Variants in SNX13 observed in about 807,000 individuals in gnomAD.
SNX13 encodes the protein sorting nexin 13.
A neutral mutation model predicts 133.6 loss-of-function variants in SNX13; 45 were observed. That is an observed-to-expected ratio of 0.34 (90% CI 0.27 to 0.43). SNX13 has a LOEUF of 0.43. Among genes scored for constraint, SNX13 ranks in the 20% least tolerant of loss-of-function variants. The pLI is 1.00. For synonymous variants in SNX13, 414 were observed against 373.9 expected, an observed-to-expected ratio of 1.11 and a Z score of -1.24; for missense variants, 1,032 against 1,145.1, an observed-to-expected ratio of 0.90 and a Z score of 1.43.
chr7:17,931,450 C>T (rs953902446), intron 1 of SNX13, among the ~76,000 whole-genome samples: 4 of 152,296 alleles, frequency 2.6e-5, no homozygotes, highest in Non-Finnish European at 1.5e-5. Context: ...AATTTCCAAA[C>T]TTCACAGGAC....
chr7:17,912,232 C>T (rs2714867), intron 1 of SNX13, among the ~76,000 whole-genome samples: 66,979 of 151,814 alleles, frequency 0.44, 15,190 homozygotes, highest in South Asian at 0.66. Context: ...ATGAAAGGGA[C>T]AGTCAGTATC....
intron 1 of SNX13, among the ~76,000 whole-genome samples, chr7:17,922,873 G>A (rs1471857933): frequency 6.6e-6 from 1 of 152,150 alleles, no homozygotes; most frequent in Non-Finnish European, 1.5e-5. Flanking sequence ...TCAGAAAAAG[G>A]TATGAAAGTA....
chr7:17,831,479 TAGTA>T (rs1788480979), intron 15 of SNX13: 1 of 975,576 alleles, frequency 1.0e-6, no homozygotes, highest in African/African-American at 1.8e-5. Context: ...AGAGGAGAGA[TAGTA>T]AGCACAAGCA....
intron 20 of SNX13, among the ~76,000 whole-genome samples, chr7:17,805,211 T>TG (rs756302031): frequency 1.2e-3 from 142 of 118,524 alleles, no homozygotes; most frequent in African/African-American, 4.5e-3. Flanking sequence ...TAATGATTCT[T>TG]TGTGTGTGTG....
At chr7:17,914,350 T>C (rs1209239090) in intron 1 of SNX13, among the ~76,000 whole-genome samples, 1 of 152,182 alleles carries the variant, frequency 6.6e-6, no homozygotes, top group Non-Finnish European at 1.5e-5. Context: ...AATCTGTCTA[T>C]AGAGATCAAC....
At chr7:17,870,714 C>T (rs986767828) in intron 8 of SNX13, among the ~76,000 whole-genome samples, 2 of 152,104 alleles carry the variant, frequency 1.3e-5, no homozygotes, top group Admixed American at 6.5e-5. Flanking sequence ...CCAAGTATCA[C>T]GTTAAGCACT....
chr7:17,889,876 G>C (rs1796439392), intron 5 of SNX13: 1 of 152,174 alleles, frequency 6.6e-6, no homozygotes, highest in South Asian at 2.1e-4. Context: ...ATATAAACTT[G>C]AATATTTTCC....
chr7:17,814,952 G>GAAAA lies in SNX13; in HGVS notation c.1954-12_1954-9dup, dbSNP rs34649849. 8.2e-4 allele frequency: 1,003 copies of GAAAA among 1,220,192 alleles called. 1 individual carries two copies. The highest frequency in any genetic ancestry group is 3.3e-3 in the South Asian group (147 of 44,856). The allele number at this position is 1,220,192 out of a possible 1,614,324, so 75.6% of individuals were successfully genotyped here. The stretch of plus-strand genomic sequence containing the variant: ...TTCAGGAGCTAACAGTAACTAACAA[G>GAAAA]AAAAAAAAAAAAAAGAAGAGATTAT... On this transcript the variant is annotated splice_polypyrimidine_tract_variant and intron_variant, in intron 19 of 25. Coordinates refer to ENST00000428135, the MANE Select transcript of SNX13 (RefSeq NM_015132.5).
chr7:17,924,726 CAGCA>C (rs1463715650), intron 1 of SNX13, among the ~76,000 whole-genome samples: 1 of 152,086 alleles, frequency 6.6e-6, no homozygotes, highest in Non-Finnish European at 1.5e-5. Context: ...CCCATATGTC[CAGCA>C]ACTGATGAAA....
intron 9 of SNX13, among the ~76,000 whole-genome samples, chr7:17,854,337 G>C (rs1791622149): frequency 6.6e-6 from 1 of 152,190 alleles, no homozygotes; most frequent in African/African-American, 2.4e-5. Context: ...CTAATTCCTA[G>C]AGCAACCACT....
intron 2 of SNX13, among the ~76,000 whole-genome samples, chr7:17,896,307 TAC>T (rs1797202412): frequency 6.6e-6 from 1 of 152,140 alleles, no homozygotes; most frequent in Non-Finnish European, 1.5e-5. Flanking sequence ...TAACATAAAA[TAC>T]AGTTTTATGG....
At chr7:17,933,319 G>A (rs184341056) in intron 1 of SNX13, among the ~76,000 whole-genome samples, 82 of 152,206 alleles carry the variant, frequency 5.4e-4, no homozygotes, top group Admixed American at 2.2e-3. Flanking sequence ...CGAGGCGGGC[G>A]GAACATGACG....
intron 1 of SNX13, among the ~76,000 whole-genome samples, chr7:17,917,737 G>A (rs1157085487): frequency 2.0e-5 from 3 of 151,878 alleles, no homozygotes; most frequent in African/African-American, 7.3e-5. Flanking sequence ...GCAATCTACA[G>A]ATTCAATGCA....
chr7:17,799,964 A>C (rs976398730), intron 22 of SNX13, among the ~76,000 whole-genome samples: 6 of 151,818 alleles, frequency 4.0e-5, no homozygotes, highest in Non-Finnish European at 1.5e-5. Context: ...AGAAAGCATG[A>C]GTTATACATT....
At chr7:17,917,176 G>A (rs1363195010) in intron 1 of SNX13, among the ~76,000 whole-genome samples, 2 of 152,036 alleles carry the variant, frequency 1.3e-5, no homozygotes, top group Non-Finnish European at 2.9e-5. Context: ...AAAATAGTAA[G>A]AGCCATCTAT....
chr7:17,927,492 C>T (rs150239402), intron 1 of SNX13, among the ~76,000 whole-genome samples: 1 of 152,274 alleles, frequency 6.6e-6, no homozygotes, highest in Non-Finnish European at 1.5e-5. Flanking sequence ...ATCCTTTCAC[C>T]TCAGCCTCCT....
chr7:17,805,250 T>TGTGTGTGTGTGTGCGCGCGCGCGCGC, intron 20 of SNX13, among the ~76,000 whole-genome samples: 9 of 95,554 alleles, frequency 9.4e-5, no homozygotes, highest in Admixed American at 3.5e-4. Flanking sequence ...TGTGTGTGTG[T>TGTGTGTGTGTGTGCGCGCGCGCGCGC]GCGTGCGCGC....
At chr7:17,814,789 A>C in intron 20 of SNX13, 45 bp downstream of exon 20, 1 of 1,395,886 alleles carries the variant, frequency 7.2e-7, no homozygotes, top group Non-Finnish European at 9.5e-7. Context: ...CAAAGTAAGA[A>C]AACAGACCTA....
intron 9 of SNX13, among the ~76,000 whole-genome samples, chr7:17,862,823 T>C (rs537703456): frequency 1.3e-5 from 2 of 152,190 alleles, no homozygotes; most frequent in African/African-American, 4.8e-5. Context: ...GCGATCATCC[T>C]CCCCACAGGA....
Sources: allele counts gnomAD v4.1 joint callset (sites outside exome capture counted in the v4.1 genomes callset), GRCh38; gene constraint gnomAD v4.1.1; transcripts MANE v1.5; gene names NCBI Gene and HGNC (gene_info 2026-07-23, HGNC 2026-07-21).